Variants in ANKDD1B observed in about 807,000 individuals in gnomAD.
ANKDD1B encodes the protein ankyrin repeat and death domain-containing protein 1B.
A neutral mutation model predicts 59.7 loss-of-function variants in ANKDD1B; 57 were observed. The observed-to-expected ratio is 0.95, with a 90% CI of 0.77 to 1.19. The LOEUF is 1.19. ANKDD1B is among the 50% of genes most tolerant of loss of function. The pLI, the probability that ANKDD1B is intolerant of heterozygous loss-of-function variation, is 0.00. For synonymous variants in ANKDD1B, 216 were observed against 239.5 expected, an observed-to-expected ratio of 0.90 and a Z score of 0.91; for missense variants, 602 against 641.9, an observed-to-expected ratio of 0.94 and a Z score of 0.67.
chr5:75,622,728 C>T (rs1036290338), intron 3 of ANKDD1B, among the ~76,000 whole-genome samples: 24 of 152,210 alleles, frequency 1.6e-4, no homozygotes, highest in Admixed American at 7.8e-4. Flanking sequence ...GAGCAATGTA[C>T]ACTTTACAGA....
chr5:75,652,142 C>T (rs1021329411), intron 7 of ANKDD1B, among the ~76,000 whole-genome samples: 8 of 152,150 alleles, frequency 5.3e-5, no homozygotes, highest in African/African-American at 1.9e-4. Context: ...CCAGCAGCAT[C>T]CTTAATTGAA....
Position 75,621,358 on chromosome 5 carries a change from G to T in ANKDD1B, c.396+945G>T, listed in dbSNP as rs147729604. Among the ~76,000 whole-genome samples the T allele has an allele frequency of 3.4e-3, 514 of 152,254 alleles. 3 individuals are homozygous for T. Among genetic ancestry groups the T allele is most frequent in the African/African-American group, 0.012 (504 of 41,544 alleles). ...CAAGTTGGAAGGTATGGAAGGAAAA[G>T]AAAAATCAGGAAAGTCACTGCAGGA... On this transcript the variant is annotated intron_variant, in intron 3 of 13. Transcript: ENST00000601380.
intron 2 of ANKDD1B, among the ~76,000 whole-genome samples, chr5:75,619,874 C>T (rs1773801207): frequency 6.6e-6 from 1 of 152,112 alleles, no homozygotes; most frequent in Non-Finnish European, 1.5e-5. Context: ...ATTTACAGTC[C>T]AAAAACTTAG....
At chr5:75,664,127 G>C (rs1242348997) in intron 11 of ANKDD1B, among the ~76,000 whole-genome samples, 1 of 152,204 alleles carries the variant, frequency 6.6e-6, no homozygotes, top group Non-Finnish European at 1.5e-5. Context: ...GTGATGTGTT[G>C]TTTCCATTCT....
Position 75,649,282 on chromosome 5 carries a change from T to G in ANKDD1B, c.799-3860T>G, listed in dbSNP as rs138264870. 1.1e-3 allele frequency among the ~76,000 whole-genome samples: 169 copies of G among 152,140 alleles called. 1 individual carries two copies. The East Asian group carries it at 0.028, about 26-fold the overall frequency. On this transcript the variant is annotated intron_variant, in intron 7 of 13. Transcript: ENST00000601380. ...ATGACAGACTCACCTAATTTATGATTGACTCTGATTTCTTAGAACTCTGTG... is the reference window on the plus strand; with the variant it reads ...ATGACAGACTCACCTAATTTATGATGGACTCTGATTTCTTAGAACTCTGTG...
chr5:75,635,142 T>A, intron 6 of ANKDD1B, 146 bp downstream of exon 6: 2 of 589,708 alleles, frequency 3.4e-6, no homozygotes, highest in South Asian at 4.4e-5. Flanking sequence ...GAGAGAATCA[T>A]GAACTATCCA....
At chr5:75,631,833 C>T (rs1038402865) in intron 5 of ANKDD1B, among the ~76,000 whole-genome samples, 20 of 152,198 alleles carry the variant, frequency 1.3e-4, no homozygotes, top group Middle Eastern at 3.4e-3. Context: ...GGGCTAGGCG[C>T]GGTGGCTCAC....
intron 11 of ANKDD1B, among the ~76,000 whole-genome samples, chr5:75,664,295 TCTC>T (rs1273695972): frequency 1.3e-5 from 2 of 152,226 alleles, no homozygotes; most frequent in South Asian, 2.1e-4. Flanking sequence ...CATTTACTCA[TCTC>T]CTTCTCTCTC....
chr5:75,621,171 G>A (rs560024127), intron 3 of ANKDD1B, among the ~76,000 whole-genome samples: 7 of 152,280 alleles, frequency 4.6e-5, no homozygotes, highest in African/African-American at 1.7e-4. Context: ...CTTGGGGGAG[G>A]GGGCAGGGCC....
chr5:75,639,200 T>G (rs1196070567), intron 7 of ANKDD1B, among the ~76,000 whole-genome samples: 1 of 152,138 alleles, frequency 6.6e-6, no homozygotes, highest in African/African-American at 2.4e-5. Context: ...TGTTTGTTTG[T>G]TTGTTGGTTT....
rs1015241493 is a variant in ANKDD1B at position 75,625,878 on chromosome 5, A to C, written c.523A>C (p.Thr175Pro). The C allele has an allele frequency of 6.5e-7, 1 of 1,536,288 alleles. No individual in the cohort carries two copies. The highest frequency in any genetic ancestry group is 8.7e-7 in the Non-Finnish European group (1 of 1,146,896). The change falls in exon 5 of 14, where the codon ACT becomes CCT. Residue 175 changes from threonine to proline, a missense_variant. Physicochemically the swap from Thr to Pro is conservative, Grantham distance 38 (BLOSUM62 -1). This residue lies in a region of ANKDD1B where 317 missense variants were observed against 304.6 expected (regional missense o/e 1.04). Coordinates refer to ENST00000601380, the MANE Select transcript of ANKDD1B (RefSeq NM_001276713.2). Reference sequence around the variant, plus strand: ...TGGAATGAGCGCCCTCCACTTTGCCACTCAGAGCAATCATGTGCGCATCGT... The same window carrying C: ...TGGAATGAGCGCCCTCCACTTTGCCCCTCAGAGCAATCATGTGCGCATCGT... ...QDGMSALHFA[T>P]QSNHVRIVEY...
chr5:75,619,951 A>C (rs1351576998), intron 2 of ANKDD1B, among the ~76,000 whole-genome samples: 1 of 152,250 alleles, frequency 6.6e-6, no homozygotes, highest in African/African-American at 2.4e-5. Context: ...AGTATATTCT[A>C]AGCAGAAAAA....
intron 8 of ANKDD1B, 91 bp from the exon 9 acceptor site, chr5:75,655,938 A>G: frequency 1.6e-6 from 1 of 634,906 alleles, no homozygotes; most frequent in Non-Finnish European, 2.8e-6. Flanking sequence ...TTGGGAGATC[A>G]TCAGGAAATA....
chr5:75,635,782 A>AG lies in ANKDD1B; in HGVS notation c.704dup. On this transcript the variant is annotated splice_acceptor_variant, in intron 6 of 13. Transcript: ENST00000601380. LOFTEE classifies it high-confidence loss of function. ...TCTACGTCGAGTGTGTCTCTGTTGC[A>AG]GGGGGGAAACACTGCCTTGCACCTC... is the stretch of plus-strand genomic sequence containing the variant. 1 of 1,523,560 alleles carries AG rather than the reference A, an allele frequency of 6.6e-7. No homozygotes were observed. The highest frequency in any genetic ancestry group is 2.5e-5 in the East Asian group (1 of 40,572). 94.4% of individuals were successfully genotyped at this position (1,523,560 alleles called of 1,614,324 possible). A position where few individuals can be genotyped will look rare whatever the true frequency, so the allele number is the denominator to read the frequency against.
chr5:75,670,906 A>G, intron 13 of ANKDD1B, 73 bp from the exon 14 acceptor site: 2 of 508,692 alleles, frequency 3.9e-6, no homozygotes, highest in Non-Finnish European at 6.1e-6. Context: ...GATTTAATGA[A>G]TAATAGTGCC....
Position 75,656,035 on chromosome 5 carries a change from G to T in ANKDD1B, c.904G>T (p.Glu302Ter). ...TTTTTATTTCTCTCTGCAGCCTAAGGAGTCCCCTCTTCATTTAGTTGTTAT... is the reference window on the plus strand; with the variant it reads ...TTTTTATTTCTCTCTGCAGCCTAAGTAGTCCCCTCTTCATTTAGTTGTTAT... ...VDLHQKVEPKESPLHLVVINN... is the reference protein window; with the variant it reads ...VDLHQKVEPK Residue 302 changes from glutamate to a stop codon, truncating the protein, a stop_gained, in exon 9 of 14, where the codon GAG becomes TAG. Transcript: ENST00000601380. LOFTEE classifies it high-confidence loss of function. 6.8e-7 allele frequency: 1 copy of T among 1,461,256 alleles called. No homozygotes were observed. The highest frequency in any genetic ancestry group is 1.2e-5 in the South Asian group (1 of 81,820). The allele number at this position is 1,461,256 out of a possible 1,614,324, so 90.5% of individuals were successfully genotyped here. A position where few individuals can be genotyped will look rare whatever the true frequency, so the allele number is the denominator to read the frequency against.
At chr5:75,614,778 C>T (rs187312364) in intron 1 of ANKDD1B, among the ~76,000 whole-genome samples, 12 of 152,338 alleles carry the variant, frequency 7.9e-5, no homozygotes, top group African/African-American at 2.4e-4. Context: ...TTGATGAACA[C>T]TAGCAATGTC....
chr5:75,650,522 TATAAA>T (rs1579964374), intron 7 of ANKDD1B, among the ~76,000 whole-genome samples: 1 of 152,192 alleles, frequency 6.6e-6, no homozygotes, highest in Non-Finnish European at 1.5e-5. Flanking sequence ...CCTCCAGAAC[TATAAA>T]ATAAAACATT....
Position 75,611,659 on chromosome 5 carries a change from G to A in ANKDD1B, c.25G>A (p.Gly9Ser), listed in dbSNP as rs960523592. Residue 9 changes from glycine to serine, a missense_variant, in exon 1 of 14, where the codon GGC (glycine) becomes AGC (serine). Coordinates refer to ENST00000601380, the MANE Select transcript of ANKDD1B (RefSeq NM_001276713.2). ...TATGGACCCCGCCGGGCGCGCCCGGGGCCAAGGGGCCACGGCAGGGGGGCT... is the reference window on the plus strand; with the variant it reads ...TATGGACCCCGCCGGGCGCGCCCGGAGCCAAGGGGCCACGGCAGGGGGGCT... MDPAGRAR[G>S]QGATAGGLLL... 3 of 1,231,428 alleles carry A rather than the reference G, an allele frequency of 2.4e-6. No individual in the cohort carries two copies. The highest frequency in any genetic ancestry group is 3.1e-4 in the Middle Eastern group (1 of 3,230). 76.3% of individuals were successfully genotyped at this position (1,231,428 alleles called of 1,614,324 possible).
Sources: gnomAD v4.1 joint callset for allele counts (sites outside exome capture counted in the v4.1 genomes callset) on GRCh38, gnomAD v4.1.1 for gene constraint, gnomAD v4.1.1 regional missense constraint, MANE v1.5 for transcripts, NCBI Gene and HGNC (gene_info 2026-07-23, HGNC 2026-07-21) for gene names.